KIF1A: variants seen among roughly 807,000 people sequenced by gnomAD.
The protein encoded by KIF1A is kinesin family member 1A.
In KIF1A, 46 loss-of-function variants were observed where a neutral mutation model predicts 227.3. That is an observed-to-expected ratio of 0.20 (90% CI 0.16 to 0.26). The LOEUF is 0.26. KIF1A is among the 10% of genes least tolerant of loss of function. KIF1A has a pLI of 1.00. For synonymous variants in KIF1A, 1,022 were observed against 1,012.8 expected (o/e 1.01, Z -0.17); for missense variants, 1,683 against 2,485.9 (o/e 0.68, Z 6.87).
At chr2:240,744,199 C>T in intron 32 of KIF1A, 139 bp from the exon 33 acceptor site, 1 of 646,516 alleles carries the variant, frequency 1.5e-6, no homozygotes, top group Admixed American at 2.4e-5. Context: ...CCAGGGGCAG[C>T]AGCCTCCTCT....
At chr2:240,764,515 G>A (rs768149100) in intron 20 of KIF1A, among the ~76,000 whole-genome samples, 18 of 152,230 alleles carry the variant, frequency 1.2e-4, no homozygotes, top group East Asian at 5.8e-4. Flanking sequence ...CCTGAGTCCC[G>A]AAGACTCCTC....
At position 240,786,426 on chromosome 2, in the gene KIF1A, G is replaced by A. The variant is rs1322728554; in HGVS notation, c.517C>T (p.Leu173=). Residue 173 remains leucine, a synonymous_variant, in exon 6 of 49, where the codon CTG becomes TTG. Coordinates refer to ENST00000498729, the MANE Select transcript of KIF1A (RefSeq NM_001244008.2). ...AGGTCCTCCACGTAGGGCCCCAGCA[G>A]TGGGTGCTCCCTCACGCGAAGGTTG... is the stretch of plus-strand genomic sequence containing the variant. ...KGNLRVREHP[L]LGPYVEDLSK... 1 of 1,613,694 alleles carries A rather than the reference G, an allele frequency of 6.2e-7. No individual in the cohort carries two copies. The highest frequency in any genetic ancestry group is 2.2e-5 in the East Asian group (1 of 44,884).
At chr2:240,785,731 AC>A in intron 6 of KIF1A, among the ~76,000 whole-genome samples, 1 of 152,032 alleles carries the variant, frequency 6.6e-6, no homozygotes, top group African/African-American at 2.4e-5. Context: ...CAGGAACAGC[AC>A]CCCCACCCAC....
chr2:240,786,733 C>A (rs1357825811), intron 5 of KIF1A, among the ~76,000 whole-genome samples: 8 of 122,808 alleles, frequency 6.5e-5, no homozygotes, highest in South Asian at 2.4e-4. Context: ...GGGGTGGGGG[C>A]TGCCTGCTGG....
At chr2:240,723,719 C>A (rs939195653) in intron 41 of KIF1A, among the ~76,000 whole-genome samples, 161 bp from the exon 42 acceptor site, 1 of 152,186 alleles carries the variant, frequency 6.6e-6, no homozygotes, top group African/African-American at 2.4e-5. Context: ...CCATGTAGGC[C>A]TCTTCCATAG....
chr2:240,815,970 C>A (rs1410829548), intron 1 of KIF1A, among the ~76,000 whole-genome samples: 1 of 152,134 alleles, frequency 6.6e-6, no homozygotes, highest in Non-Finnish European at 1.5e-5. Flanking sequence ...TCTCTGTCTT[C>A]TTCCCCACCC....
intron 44 of KIF1A, among the ~76,000 whole-genome samples, chr2:240,721,450 G>A (rs760586603): frequency 1.1e-4 from 16 of 152,322 alleles, no homozygotes; most frequent in South Asian, 6.2e-4. Flanking sequence ...GGGTGGGGTC[G>A]GTCCCAGGAG....
chr2:240,790,331 A>G lies in KIF1A; in HGVS notation c.107-1019T>C, dbSNP rs1023753135. Among the ~76,000 whole-genome samples the G allele has an allele frequency of 6.6e-6, 1 of 152,012 alleles. No individual in the cohort carries two copies. Among genetic ancestry groups the G allele is most frequent in the Non-Finnish European group, 1.5e-5 (1 of 68,006 alleles). On this transcript the variant is annotated intron_variant, in intron 2 of 48. Transcript: ENST00000498729. This position sits in a 1 kb window ranked among gnomAD's most constrained non-coding sequence, Gnocchi z 5.0. ...CGGAGACCACCACCATCACATCAGC[A>G]AACCTGAAGAACGAAGCCCTCATGG...
At position 240,728,449 on chromosome 2, in the gene KIF1A, T is replaced by C; in HGVS notation, c.4008-1509A>G. 2.3e-6 allele frequency: 3 copies of C among 1,278,122 alleles called. No homozygotes were observed. The Middle Eastern group carries it at 6.4e-4, about 275-fold the overall frequency. The allele number at this position is 1,278,122 out of a possible 1,614,324, so 79.2% of individuals were successfully genotyped here. On this transcript the variant is annotated intron_variant, in intron 38 of 48. Transcript: ENST00000498729. ...GGCAGCCAGGACACACACGTACACA[T>C]ACAGAAGAAATGGAGATGTCAGAAC...
chr2:240,719,473 C>T (rs1339379324), intron 46 of KIF1A, among the ~76,000 whole-genome samples: 2 of 152,232 alleles, frequency 1.3e-5, no homozygotes, highest in Admixed American at 6.5e-5. Flanking sequence ...ACACTGTACC[C>T]AGTGACCACG....
chr2:240,755,632 T>C (rs2049759978), intron 27 of KIF1A, among the ~76,000 whole-genome samples: 2 of 152,184 alleles, frequency 1.3e-5, no homozygotes, highest in South Asian at 4.1e-4. Flanking sequence ...CCCCGCAATA[T>C]GGGGGCCAGG....
At chr2:240,795,970 A>G (rs1432562655) in intron 2 of KIF1A, among the ~76,000 whole-genome samples, 1 of 152,164 alleles carries the variant, frequency 6.6e-6, no homozygotes, top group Non-Finnish European at 1.5e-5. Flanking sequence ...ATGACCCCAC[A>G]TGCAAGACTG....
chr2:240,759,356 T>C (rs1006351563), intron 25 of KIF1A, among the ~76,000 whole-genome samples: 9 of 152,024 alleles, frequency 5.9e-5, no homozygotes, highest in Non-Finnish European at 1.2e-4. Flanking sequence ...CAATCCCAAG[T>C]CTGTACCCCA....
intron 22 of KIF1A, 63 bp from the exon 23 acceptor site, chr2:240,762,875 C>A: frequency 6.8e-7 from 1 of 1,476,760 alleles, no homozygotes. Flanking sequence ...TCACACTGCG[C>A]CTAGACAGTG....
intron 25 of KIF1A, among the ~76,000 whole-genome samples, chr2:240,759,144 AGTGTGTGT>A (rs35848053): frequency 2.6e-3 from 386 of 148,796 alleles, no homozygotes; most frequent in Middle Eastern, 0.014. Context: ...AATGCTTATG[AGTGTGTGT>A]GTGTGTGTGT....
intron 1 of KIF1A, among the ~76,000 whole-genome samples, chr2:240,802,548 GAC>G (rs1192860898): frequency 1.3e-5 from 2 of 152,184 alleles, no homozygotes; most frequent in Non-Finnish European, 2.9e-5. Flanking sequence ...TACATACAAA[GAC>G]ACAGAGAGGC....
In KIF1A at chr2:240,788,667, T is replaced by G. The variant is rs1575637847; in HGVS notation, c.184-437A>C. On this transcript the variant is annotated intron_variant, in intron 3 of 48. Coordinates refer to ENST00000498729, the MANE Select transcript of KIF1A (RefSeq NM_001244008.2). This position sits in a 1 kb window ranked among gnomAD's most constrained non-coding sequence, Gnocchi z 6.6. ...GGGCACTTTAGGCAGGGGGACAGGG[T>G]GATTAGCTGGGGGTCATCCTGGAAG... Among the ~76,000 whole-genome samples the G allele has an allele frequency of 6.8e-6, 1 of 147,896 alleles. No individual in the cohort carries two copies.
At chr2:240,761,162 G>A in intron 24 of KIF1A, 67 bp downstream of exon 24, 1 of 1,526,044 alleles carries the variant, frequency 6.6e-7, no homozygotes. Flanking sequence ...CCAAGTAGCT[G>A]TCCCCGTCAT....
intron 2 of KIF1A, among the ~76,000 whole-genome samples, chr2:240,796,437 C>T (rs1358331362): frequency 1.3e-5 from 2 of 152,192 alleles, no homozygotes; most frequent in Admixed American, 6.5e-5. Flanking sequence ...CCACGGAGGT[C>T]ACCCACTTAC....
Sources: gnomAD v4.1 joint callset for allele counts (sites outside exome capture counted in the v4.1 genomes callset) on GRCh38, gnomAD v4.1.1 for gene constraint, Gnocchi (gnomAD v3.1) non-coding constraint, MANE v1.5 for transcripts, NCBI Gene and HGNC (gene_info 2026-07-23, HGNC 2026-07-21) for gene names.